CIB4: variants seen among roughly 807,000 people sequenced by gnomAD.
The protein encoded by CIB4 is calcium and integrin binding family member 4, also known as calcium and integrin-binding family member 4.
In CIB4, 25 loss-of-function variants were observed where a neutral mutation model predicts 25.8. That is an observed-to-expected ratio of 0.97 (90% confidence interval 0.71 to 1.35). The LOEUF is 1.35. Ranked by LOEUF, CIB4 falls within the 40% of genes most tolerant of loss-of-function variation. CIB4 has a pLI of 0.00. For missense variants in CIB4, 235 were observed against 228.2 expected, an observed-to-expected ratio of 1.03 and a Z score of -0.19; for synonymous variants, 75 against 81.4, an observed-to-expected ratio of 0.92 and a Z score of 0.42.
At position 26,641,366 on chromosome 2, in the gene CIB4, C is replaced by T. The variant is rs763816864; in HGVS notation, c.-52G>A. 8.7e-6 allele frequency: 13 copies of T among 1,499,908 alleles called. No individual in the cohort carries two copies. The East Asian group carries it at 1.8e-4, about 21-fold the overall frequency. 92.9% of individuals were successfully genotyped at this position (1,499,908 alleles called of 1,614,324 possible). On this transcript the variant is annotated 5_prime_UTR_variant, in exon 1 of 7. Coordinates refer to ENST00000288861, the MANE Select transcript of CIB4 (RefSeq NM_001029881.3). The stretch of plus-strand genomic sequence containing the variant: ...CAGTAGAACCTCAGCCTCAAGGACT[C>T]GCCAGCTGAGGCACCTCGTTGATCC...
chr2:26,612,012 G>C (rs552684488), intron 3 of CIB4, among the ~76,000 whole-genome samples: 28 of 152,286 alleles, frequency 1.8e-4, no homozygotes, highest in African/African-American at 6.5e-4. Flanking sequence ...TATTTTATTG[G>C]TGTCATACTA....
At position 26,637,968 on chromosome 2, in the gene CIB4, C is replaced by T. The variant is rs1300821687; in HGVS notation, c.89+2565G>A. 2.6e-5 allele frequency among the ~76,000 whole-genome samples: 4 copies of T among 152,206 alleles called. No individual in the cohort carries two copies. The East Asian group carries it at 5.8e-4, about 22-fold the overall frequency. ...TAGGAGTTGGATACTTTGCCCTCTA[C>T]TCTGCCTTCCTTATGCAGTGGCGTC... is the stretch of plus-strand genomic sequence containing the variant. On this transcript the variant is annotated intron_variant, in intron 2 of 6. Coordinates refer to ENST00000288861, the MANE Select transcript of CIB4 (RefSeq NM_001029881.3).
chr2:26,581,498 C>G, intron 6 of CIB4, 105 bp from the exon 7 acceptor site: 2 of 1,127,620 alleles, frequency 1.8e-6, no homozygotes, highest in Middle Eastern at 4.0e-4. Context: ...GCCTGCATCT[C>G]GTGTCCCTTT....
intron 4 of CIB4, among the ~76,000 whole-genome samples, chr2:26,591,767 T>C (rs2148194171): frequency 6.6e-6 from 1 of 152,354 alleles, no homozygotes; most frequent in East Asian, 1.9e-4. Context: ...TCTCTCCCCC[T>C]GGCTGTCTTT....
rs938333903 is a variant in CIB4 at position 26,589,000 on chromosome 2, T to C, written c.329-5102A>G. 5.7e-3 allele frequency among the ~76,000 whole-genome samples: 76 copies of C among 13,318 alleles called. 9 individuals carry two copies. Among genetic ancestry groups the C allele is most frequent in the African/African-American group, 0.016 (73 of 4,454 alleles). The allele number at this position is 13,318 out of a possible 152,430, so 8.7% of individuals were successfully genotyped here. A position where few individuals can be genotyped will look rare whatever the true frequency, so the allele number is the denominator to read the frequency against. ...TTCTTTCTTCTTCTTCTTCTTCTTC[T>C]TCTTCTTCTTCTTCTTCTTCTTCTT... On this transcript the variant is annotated intron_variant, in intron 4 of 6. Transcript: ENST00000288861.
chr2:26,610,958 A>G (rs1227780423), intron 3 of CIB4, among the ~76,000 whole-genome samples: 1 of 80,250 alleles, frequency 1.2e-5, no homozygotes, highest in African/African-American at 5.7e-5. Flanking sequence ...GAAAAAATAC[A>G]CATGGGTGTC....
chr2:26,593,303 GAT>G (rs200650908), intron 4 of CIB4, among the ~76,000 whole-genome samples: 1,835 of 151,472 alleles, frequency 0.012, 33 homozygotes, highest in African/African-American at 0.042. Context: ...TATATGTAGA[GAT>G]ATGTGTGTGT....
chr2:26,604,849 A>G (rs987225091), intron 3 of CIB4, among the ~76,000 whole-genome samples: 4 of 152,230 alleles, frequency 2.6e-5, no homozygotes, highest in East Asian at 3.8e-4. Context: ...TTAACATCCA[A>G]TGATTGATAG....
chr2:26,616,181 A>G (rs974434580), intron 3 of CIB4, among the ~76,000 whole-genome samples: 1 of 152,342 alleles, frequency 6.6e-6, no homozygotes, highest in East Asian at 1.9e-4. Flanking sequence ...CATGTGTGAC[A>G]TCCCACACCG....
At chr2:26,609,402 G>C (rs1004332624) in intron 3 of CIB4, among the ~76,000 whole-genome samples, 2 of 152,026 alleles carry the variant, frequency 1.3e-5, no homozygotes, top group African/African-American at 4.8e-5. Context: ...CCTCTCCCCA[G>C]CCTTCAGTGG....
intron 3 of CIB4, among the ~76,000 whole-genome samples, chr2:26,615,559 A>G (rs1669076177): frequency 6.9e-6 from 1 of 144,384 alleles, no homozygotes; most frequent in African/African-American, 2.6e-5. Context: ...AGCAGATGGG[A>G]AAGCTAAAAC....
chr2:26,583,753 G>A (rs200818886), intron 5 of CIB4, 36 bp downstream of exon 5: 160 of 1,412,232 alleles, frequency 1.1e-4, no homozygotes, highest in Middle Eastern at 4.8e-4. Context: ...CCCTATCCCC[G>A]GCCCCAGCCA....
rs565478588 is a variant in CIB4, at chr2:26,604,974, AT to A, written c.187-9658del. On this transcript the variant is annotated intron_variant, in intron 3 of 6. Transcript: ENST00000288861. ...CGCCACCCCACACAGCAGAATATAC[AT>A]TTTTTTCCAAGTGTACTTAGAATAT... Among the ~76,000 whole-genome samples the A allele has an allele frequency of 8.4e-4, 128 of 152,270 alleles. 1 individual carries two copies. The highest frequency in any genetic ancestry group is 7.1e-3 in the Admixed American group (109 of 15,302).
chr2:26,606,016 C>T (rs1668882870), intron 3 of CIB4, among the ~76,000 whole-genome samples: 1 of 152,184 alleles, frequency 6.6e-6, no homozygotes, highest in Non-Finnish European at 1.5e-5. Context: ...CGCAGTTACT[C>T]AGAGAACAGG....
intron 3 of CIB4, among the ~76,000 whole-genome samples, chr2:26,604,391 T>C (rs1668851074): frequency 1.3e-5 from 2 of 150,920 alleles, no homozygotes; most frequent in African/African-American, 2.4e-5. Flanking sequence ...AAAATATAAA[T>C]AAAAAGAAGA....
intron 2 of CIB4, among the ~76,000 whole-genome samples, chr2:26,632,236 G>A (rs186191773): frequency 1.1e-3 from 175 of 152,314 alleles, no homozygotes; most frequent in African/African-American, 3.9e-3. Context: ...CTGGAGTGGC[G>A]TGTGGTGTTC....
chr2:26,599,021 A>G (rs1668734867), intron 3 of CIB4, among the ~76,000 whole-genome samples: 1 of 152,208 alleles, frequency 6.6e-6, no homozygotes. Context: ...TTGATGCTAT[A>G]ACTTTAATAG....
At chr2:26,638,770 T>C (rs2148229896) in intron 2 of CIB4, among the ~76,000 whole-genome samples, 1 of 152,254 alleles carries the variant, frequency 6.6e-6, no homozygotes, top group South Asian at 2.1e-4. Context: ...CTGGCCAACA[T>C]GGTGAAACCC....
intron 3 of CIB4, among the ~76,000 whole-genome samples, chr2:26,617,092 A>G (rs1461188770): frequency 6.6e-6 from 1 of 150,600 alleles, no homozygotes; most frequent in Non-Finnish European, 1.5e-5. Flanking sequence ...GTGGTTTGTC[A>G]AGAACTTACC....
Sources: gnomAD v4.1 joint callset for allele counts (sites outside exome capture counted in the v4.1 genomes callset) on GRCh38, gnomAD v4.1.1 for gene constraint, MANE v1.5 for transcripts, NCBI Gene and HGNC (gene_info 2026-07-23, HGNC 2026-07-21) for gene names.